LRMDA: variants seen among roughly 807,000 people sequenced by gnomAD.
LRMDA encodes the protein leucine-rich melanocyte differentiation-associated protein.
A neutral mutation model predicts 29.8 loss-of-function variants in LRMDA; 18 were observed. That is an observed-to-expected ratio of 0.60 (90% CI 0.42 to 0.90). The LOEUF (loss-of-function observed/expected upper bound fraction) is 0.90. Ranked by LOEUF, LRMDA falls within the 40% of genes least tolerant of loss-of-function variation. The pLI, the probability that LRMDA is intolerant of heterozygous loss-of-function variation, is 0.00. For synonymous variants in LRMDA, 125 were observed against 109.4 expected (o/e 1.14, Z -0.89); for missense variants, 273 against 273.9 (o/e 1.00, Z 0.02).
At chr10:76,136,605 T>C (rs1850099157) in intron 5 of LRMDA, among the ~76,000 whole-genome samples, 1 of 46,612 alleles carries the variant, frequency 2.1e-5, no homozygotes, top group Middle Eastern at 0.012. Context: ...AGTGAACTTT[T>C]AAACATATTA....
intron 2 of LRMDA, among the ~76,000 whole-genome samples, chr10:75,734,051 G>T (rs1031935795): frequency 1.3e-5 from 2 of 152,146 alleles, no homozygotes; most frequent in Non-Finnish European, 2.9e-5. Flanking sequence ...CAAGGGAGAT[G>T]GTTATTGGAT....
chr10:76,054,863 A>C (rs1848583981), intron 4 of LRMDA, among the ~76,000 whole-genome samples: 1 of 151,576 alleles, frequency 6.6e-6, no homozygotes, highest in African/African-American at 2.4e-5. Flanking sequence ...CAGGAGTTTG[A>C]GTCCAGCCTG....
intron 6 of LRMDA, among the ~76,000 whole-genome samples, chr10:76,399,713 A>G (rs1025054778): frequency 4.6e-5 from 7 of 152,280 alleles, no homozygotes; most frequent in African/African-American, 1.7e-4. Context: ...CTGTAGTTCC[A>G]GTTACTAGAG....
At chr10:75,685,801 G>C (rs964122880) in intron 2 of LRMDA, among the ~76,000 whole-genome samples, 4 of 152,082 alleles carry the variant, frequency 2.6e-5, no homozygotes, top group African/African-American at 9.7e-5. Flanking sequence ...TGTGAGTATG[G>C]GATATGGAAA....
intron 2 of LRMDA, among the ~76,000 whole-genome samples, chr10:75,943,714 A>G (rs1329938768): frequency 2.0e-5 from 3 of 152,208 alleles, no homozygotes; most frequent in African/African-American, 7.2e-5. Flanking sequence ...TGCTCAGTTT[A>G]TTAGCACCAG....
At chr10:75,795,141 A>T (rs527588982) in intron 2 of LRMDA, among the ~76,000 whole-genome samples, 2 of 152,284 alleles carry the variant, frequency 1.3e-5, no homozygotes, top group East Asian at 3.9e-4. Context: ...CACACCTGTA[A>T]TCCCAGCACT....
intron 2 of LRMDA, among the ~76,000 whole-genome samples, chr10:75,576,721 C>G (rs193209372): frequency 6.6e-6 from 1 of 152,200 alleles, no homozygotes; most frequent in African/African-American, 2.4e-5. Flanking sequence ...TGTTCTGCAG[C>G]CTCTGACAGT....
chr10:76,114,321 A>G (rs1849629527), intron 5 of LRMDA, among the ~76,000 whole-genome samples: 1 of 152,232 alleles, frequency 6.6e-6, no homozygotes, highest in South Asian at 2.1e-4. Flanking sequence ...TAGTGTTTCC[A>G]CCTACTGTCA....
chr10:75,833,590 A>C (rs1245516883), intron 2 of LRMDA, among the ~76,000 whole-genome samples: 2 of 152,190 alleles, frequency 1.3e-5, no homozygotes, highest in Non-Finnish European at 2.9e-5. Context: ...CATTCACCCC[A>C]TCCCAAGGTC....
intron 5 of LRMDA, among the ~76,000 whole-genome samples, chr10:76,262,307 C>A (rs1381254618): frequency 6.6e-6 from 1 of 152,168 alleles, no homozygotes; most frequent in Non-Finnish European, 1.5e-5. Flanking sequence ...GAAATCTTTA[C>A]CACCAGTGTT....
intron 6 of LRMDA, among the ~76,000 whole-genome samples, chr10:76,436,917 C>T (rs1012947768): frequency 6.6e-5 from 10 of 152,116 alleles, no homozygotes; most frequent in Admixed American, 2.6e-4. Flanking sequence ...CGCCCACCTT[C>T]CTTCTCCCTC....
chr10:75,890,165 G>A (rs1845460078), intron 2 of LRMDA, among the ~76,000 whole-genome samples: 1 of 152,152 alleles, frequency 6.6e-6, no homozygotes, highest in African/African-American at 2.4e-5. Context: ...AGGGCCCCAA[G>A]GAGATGGTGT....
chr10:75,971,785 G>A (rs2132439445), intron 2 of LRMDA, among the ~76,000 whole-genome samples: 1 of 152,228 alleles, frequency 6.6e-6, no homozygotes, highest in Middle Eastern at 3.4e-3. Context: ...GGGTGAGATT[G>A]GGAATCTGTT....
At chr10:76,123,259 A>C (rs1237625628) in intron 5 of LRMDA, among the ~76,000 whole-genome samples, 1 of 151,830 alleles carries the variant, frequency 6.6e-6, no homozygotes, top group South Asian at 2.1e-4. Flanking sequence ...CTATAATCCT[A>C]GTACTTTGGG....
At chr10:76,418,625 T>G (rs1402183488) in intron 6 of LRMDA, among the ~76,000 whole-genome samples, 1 of 152,004 alleles carries the variant, frequency 6.6e-6, no homozygotes, top group Admixed American at 6.6e-5. Flanking sequence ...TCTTATCTTA[T>G]AGAATTGGCC....
chr10:75,633,478 T>C (rs930132983), intron 2 of LRMDA, among the ~76,000 whole-genome samples: 2 of 152,240 alleles, frequency 1.3e-5, no homozygotes, highest in Non-Finnish European at 2.9e-5. Flanking sequence ...GTCAAATACA[T>C]AATTAACAAT....
intron 2 of LRMDA, among the ~76,000 whole-genome samples, chr10:75,716,014 T>C (rs553529526): frequency 6.6e-6 from 1 of 152,348 alleles, no homozygotes; most frequent in South Asian, 2.1e-4. Flanking sequence ...CTATCAGTGC[T>C]AGAAGAGGCA....
intron 5 of LRMDA, among the ~76,000 whole-genome samples, chr10:76,131,211 C>T (rs1365493504): frequency 6.6e-6 from 1 of 152,132 alleles, no homozygotes; most frequent in African/African-American, 2.4e-5. Context: ...TTTTTGCCTT[C>T]TTCTGTCTCT....
Position 75,918,426 on chromosome 10 carries a change from C to T in LRMDA, c.132-117582C>T, listed in dbSNP as rs140897298. ...AGGCAAAGAGGGAGCGGGCACATCACGTGGGGAAAGCAGGAGCGAGCGAGA... is the reference window on the plus strand; with the variant it reads ...AGGCAAAGAGGGAGCGGGCACATCATGTGGGGAAAGCAGGAGCGAGCGAGA... On this transcript the variant is annotated intron_variant, in intron 2 of 6. Coordinates refer to ENST00000611255, the MANE Select transcript of LRMDA (RefSeq NM_001305581.2). 1.2e-4 allele frequency among the ~76,000 whole-genome samples: 19 copies of T among 152,122 alleles called. No homozygotes were observed. In the East Asian group the frequency reaches 3.3e-3, roughly 26 times the overall value.
Sources: gnomAD v4.1 joint callset for allele counts (sites outside exome capture counted in the v4.1 genomes callset) on GRCh38, gnomAD v4.1.1 for gene constraint, MANE v1.5 for transcripts, NCBI Gene and HGNC (gene_info 2026-07-23, HGNC 2026-07-21) for gene names.